The following CD86 variants were observed in gnomAD, a reference collection of about 807,000 sequenced individuals.
CD86 encodes the protein CD86 molecule, also known as T-lymphocyte activation antigen CD86.
CD86 carries 11 observed loss-of-function variants against 32.1 expected under a neutral mutation model. The observed-to-expected ratio is 0.34, with a 90% confidence interval of 0.22 to 0.57. CD86 has a LOEUF of 0.57. Among genes scored for constraint, CD86 ranks in the 20% least tolerant of loss-of-function variants. The probability of loss-of-function intolerance (pLI) is 0.86; values close to 1 mark genes in which losing one functional copy is unlikely to be tolerated. For synonymous variants in CD86, 137 were observed against 135.3 expected, an observed-to-expected ratio of 1.01 and a Z score of -0.09; for missense variants, 359 against 398.4, an observed-to-expected ratio of 0.90 and a Z score of 0.84.
chr3:122,097,720 G>T (rs1321471630), intron 2 of CD86, among the ~76,000 whole-genome samples: 2 of 152,126 alleles, frequency 1.3e-5, no homozygotes, highest in Non-Finnish European at 2.9e-5. Flanking sequence ...TTAGCGTGGG[G>T]AATAGTGTCT....
intron 2 of CD86, among the ~76,000 whole-genome samples, chr3:122,100,274 C>T (rs536908220): frequency 1.3e-5 from 2 of 152,276 alleles, no homozygotes; most frequent in Admixed American, 6.5e-5. Context: ...AAGTCAGACA[C>T]CTCAAAAGGG....
chr3:122,064,545 T>A (rs921593667), intron 1 of CD86, among the ~76,000 whole-genome samples: 4 of 152,160 alleles, frequency 2.6e-5, no homozygotes, highest in African/African-American at 9.7e-5. Context: ...GCTGTGTATG[T>A]CCACAGGCGA....
At chr3:122,114,950 A>T (rs2073227825) in intron 5 of CD86, among the ~76,000 whole-genome samples, 1 of 152,248 alleles carries the variant, frequency 6.6e-6, no homozygotes, top group Non-Finnish European at 1.5e-5. Flanking sequence ...TTTTACCTTA[A>T]GATGGCGAAT....
chr3:122,114,732 C>T (rs901262276), intron 5 of CD86, among the ~76,000 whole-genome samples: 2 of 152,094 alleles, frequency 1.3e-5, no homozygotes, highest in Non-Finnish European at 2.9e-5. Flanking sequence ...ACCTTTACTA[C>T]ATAAATAAAC....
At chr3:122,059,930 G>A (rs770646112) in intron 1 of CD86, among the ~76,000 whole-genome samples, 12 of 152,070 alleles carry the variant, frequency 7.9e-5, no homozygotes, top group East Asian at 1.9e-4. Context: ...AGAAAGGCTC[G>A]CAACAGATTC....
intron 1 of CD86, among the ~76,000 whole-genome samples, chr3:122,078,369 G>A (rs549211598): frequency 5.9e-4 from 90 of 152,256 alleles, no homozygotes; most frequent in Non-Finnish European, 1.2e-3. Flanking sequence ...TGGGGTCTCC[G>A]AGCAGCCTCT....
chr3:122,113,389 A>C (rs1184169085), intron 5 of CD86, among the ~76,000 whole-genome samples: 1 of 152,248 alleles, frequency 6.6e-6, no homozygotes. Flanking sequence ...TGCTGAATTA[A>C]ATAGTAGAGT....
intron 1 of CD86, among the ~76,000 whole-genome samples, chr3:122,084,005 G>C (rs2072676739): frequency 6.6e-6 from 1 of 151,444 alleles, no homozygotes; most frequent in Non-Finnish European, 1.5e-5. Flanking sequence ...CTTTTTTTCT[G>C]AGATGGAGTC....
At chr3:122,058,271 C>T (rs1053135577) in intron 1 of CD86, among the ~76,000 whole-genome samples, 4 of 152,122 alleles carry the variant, frequency 2.6e-5, no homozygotes, top group Non-Finnish European at 5.9e-5. Context: ...GCAGGACAAC[C>T]CCAAGTTGTG....
At chr3:122,062,628 C>T (rs1211747333) in intron 1 of CD86, among the ~76,000 whole-genome samples, 1 of 151,970 alleles carries the variant, frequency 6.6e-6, no homozygotes, top group Non-Finnish European at 1.5e-5. Context: ...TAGATAAATG[C>T]CAGGGTTTTG....
At chr3:122,093,261 A>G (rs1256639569) in intron 2 of CD86, among the ~76,000 whole-genome samples, 1 of 152,176 alleles carries the variant, frequency 6.6e-6, no homozygotes, top group African/African-American at 2.4e-5. Flanking sequence ...GGCTCAAGCA[A>G]TTCTCCCACC....
intron 1 of CD86, among the ~76,000 whole-genome samples, chr3:122,057,443 G>GTGTT (rs1157448611): frequency 9.9e-5 from 15 of 152,132 alleles, no homozygotes; most frequent in Admixed American, 7.9e-4. Context: ...AATTCATAAT[G>GTGTT]TGTTTAGTTA....
intron 3 of CD86, among the ~76,000 whole-genome samples, chr3:122,105,201 A>G (rs1304357793): frequency 2.0e-5 from 3 of 152,206 alleles, no homozygotes; most frequent in African/African-American, 7.2e-5. Flanking sequence ...TTGAAAAGCC[A>G]TGTTGTATTT....
chr3:122,073,171 C>T (rs187099114), intron 1 of CD86, among the ~76,000 whole-genome samples: 14 of 147,446 alleles, frequency 9.5e-5, no homozygotes, highest in Admixed American at 4.0e-4. Flanking sequence ...TCCACATCCT[C>T]AGCAGCATTT....
intron 1 of CD86, among the ~76,000 whole-genome samples, chr3:122,079,283 G>C (rs1331716251): frequency 1.3e-5 from 2 of 152,192 alleles, no homozygotes; most frequent in East Asian, 1.9e-4. Context: ...CTTCCTGGGT[G>C]GGGGTGAGGA....
chr3:122,104,489 T>A (rs963205727), intron 3 of CD86, among the ~76,000 whole-genome samples: 1 of 152,210 alleles, frequency 6.6e-6, no homozygotes, highest in Non-Finnish European at 1.5e-5. Flanking sequence ...TAAAATTATT[T>A]TTTTTTGTTT....
At chr3:122,086,284 C>T (rs1192987952) in intron 1 of CD86, among the ~76,000 whole-genome samples, 3 of 152,174 alleles carry the variant, frequency 2.0e-5, no homozygotes, top group Non-Finnish European at 2.9e-5. Flanking sequence ...CACTAACATT[C>T]TACACAAAGT....
At chr3:122,104,488 T>G (rs907782105) in intron 3 of CD86, among the ~76,000 whole-genome samples, 8 of 152,050 alleles carry the variant, frequency 5.3e-5, no homozygotes, top group Non-Finnish European at 1.0e-4. Flanking sequence ...GTAAAATTAT[T>G]TTTTTTTGTT....
intron 2 of CD86, among the ~76,000 whole-genome samples, chr3:122,096,446 A>T (rs2072909450): frequency 6.6e-6 from 1 of 151,988 alleles, no homozygotes; most frequent in Non-Finnish European, 1.5e-5. Context: ...ACTTATTTAA[A>T]TTTTTTTTGA....
Sources: gnomAD v4.1 joint callset for allele counts (sites outside exome capture counted in the v4.1 genomes callset) on GRCh38, gnomAD v4.1.1 for gene constraint, MANE v1.5 for transcripts, NCBI Gene and HGNC (gene_info 2026-07-23, HGNC 2026-07-21) for gene names.